FIGNL1: variants seen among roughly 807,000 people sequenced by gnomAD.
FIGNL1 encodes the protein fidgetin like 1, also known as fidgetin-like protein 1.
A neutral mutation model predicts 28.9 loss-of-function variants in FIGNL1; 11 were observed. That is an observed-to-expected ratio of 0.38 (90% confidence interval 0.24 to 0.63). The LOEUF (loss-of-function observed/expected upper bound fraction) is 0.63, where lower values mean the gene tolerates loss of function less well. Ranked by LOEUF, FIGNL1 falls within the 20% of genes least tolerant of loss-of-function variation. The pLI is 0.57. For missense variants in FIGNL1, 789 were observed against 810.4 expected (o/e 0.97, Z 0.32); for synonymous variants, 295 against 276.5 (o/e 1.07, Z -0.66).
At chr7:50,448,105 G>C (rs142621771) in intron 3 of FIGNL1, 76 bp downstream of exon 3, 1 of 152,352 alleles carries the variant, frequency 6.6e-6, no homozygotes, top group Non-Finnish European at 1.5e-5. Flanking sequence ...CAATGACTAT[G>C]AAAATAATCT....
At position 50,445,139 on chromosome 7, in the gene FIGNL1, CTAT is replaced by C. The variant is rs1820397865; in HGVS notation, c.*121_*123del. The C allele has an allele frequency of 1.7e-6, 1 of 587,556 alleles. No homozygotes were observed. 36.4% of individuals were successfully genotyped at this position (587,556 alleles called of 1,614,324 possible). A position where few individuals can be genotyped will look rare whatever the true frequency, so the allele number is the denominator to read the frequency against. On this transcript the variant is annotated 3_prime_UTR_variant, in exon 4 of 4. Transcript: ENST00000433017. ...ATGTCAATCAGATGTAAAATCTGTG[CTAT>C]TATTTGAAGTACAGAACTTAGAATA...
At position 50,450,287 on chromosome 7, in the gene FIGNL1, T is replaced by G. The variant is rs1821795759; in HGVS notation, c.-726+14A>C. ...AGCAGCGCCCCTGCCCCGCCTCCCG[T>G]CACCGCATCCTACCTGCGGCTGGTG... On this transcript the variant is annotated intron_variant, in intron 1 of 3. Coordinates refer to ENST00000433017, the MANE Select transcript of FIGNL1 (RefSeq NM_001287492.4). 1 of 152,392 alleles carries G rather than the reference T, an allele frequency of 6.6e-6. No homozygotes were observed. Among genetic ancestry groups the G allele is most frequent in the African/African-American group, 2.4e-5 (1 of 41,480 alleles). 9.4% of individuals were successfully genotyped at this position (152,392 alleles called of 1,614,324 possible).
Position 50,445,846 on chromosome 7 carries a change from A to T in FIGNL1, c.1442T>A (p.Met481Lys). ...TGCAACAGCAAACAATGCACGGACC[A>T]TTTTCTCCCCCTCACCTACCCATTT... ...TSKWVGEGEK[M>K]VRALFAVARC... Residue 481 changes from methionine to lysine, a missense_variant, in exon 4 of 4, where the codon ATG becomes AAG. Physicochemically the swap from Met to Lys is moderately conservative, Grantham distance 95 (BLOSUM62 -1). Transcript: ENST00000433017. 2.5e-6 allele frequency: 4 copies of T among 1,614,152 alleles called. No homozygotes were observed. Among genetic ancestry groups the T allele is most frequent in the Non-Finnish European group, 3.4e-6 (4 of 1,180,030 alleles).
In FIGNL1 at chr7:50,447,014, A is replaced by C. The variant is rs777013145; in HGVS notation, c.274T>G (p.Ser92Ala). The change falls in exon 4 of 4, where the codon TCT becomes GCT. Residue 92 changes from serine (S) to alanine (A), a missense_variant. Coordinates refer to ENST00000433017, the MANE Select transcript of FIGNL1 (RefSeq NM_001287492.4). ...CACTTGTCACTATCTGTTTGTTGAG[A>C]TCCTGCCAAAGTTAAAATGTTTTCT... ...YAENILTLAGSQQTDSDKWQS... is the reference protein window; with the variant it reads ...YAENILTLAGAQQTDSDKWQS... 6.2e-7 allele frequency: 1 copy of C among 1,614,246 alleles called. No individual in the cohort carries two copies. The highest frequency in any genetic ancestry group is 1.1e-5 in the South Asian group (1 of 91,088).
chr7:50,447,233 A>T lies in FIGNL1; in HGVS notation c.55T>A (p.Phe19Ile). 6.2e-7 allele frequency: 1 copy of T among 1,611,148 alleles called. No homozygotes were observed. The highest frequency in any genetic ancestry group is 8.5e-7 in the Non-Finnish European group (1 of 1,177,432). The change falls in exon 4 of 4, where the codon TTC (phenylalanine) becomes ATC (isoleucine). Residue 19 changes from phenylalanine to isoleucine, a missense_variant. Transcript: ENST00000433017. ...GTACATATGCCAGATGTAATTGCGAAGTAATTCTTCTGCCATTCACTCAGG... is the reference window on the plus strand; with the variant it reads ...GTACATATGCCAGATGTAATTGCGATGTAATTCTTCTGCCATTCACTCAGG... ...VHLSEWQKNY[F>I]AITSGICTGP...
rs143012740 is a variant in FIGNL1 at position 50,445,608 on chromosome 7, C to A, written c.1680G>T (p.Val560=). The A allele has an allele frequency of 3.1e-6, 5 of 1,614,144 alleles. No individual in the cohort carries two copies. The East Asian group carries it at 6.7e-5, about 22-fold the overall frequency. ...EIDEAARRRL[V]KRLYIPLPEA... ...CTGGGAGGGGAATATAAAGCCTTTTCACCAATCTTCTCCGGGCAGCCTCAT... is the reference window on the plus strand; with the variant it reads ...CTGGGAGGGGAATATAAAGCCTTTTAACCAATCTTCTCCGGGCAGCCTCAT... Residue 560 remains valine, a synonymous_variant, in exon 4 of 4, where the codon GTG becomes GTT. Transcript: ENST00000433017.
chr7:50,445,348 G>A lies in FIGNL1; in HGVS notation c.1940C>T (p.Ala647Val), dbSNP rs1820453680. Residue 647 changes from alanine to valine, a missense_variant, in exon 4 of 4, where the codon GCT (alanine) becomes GTT (valine). Transcript: ENST00000433017. ...RPIAYIDFEN[A>V]FRTVRPSVSP... is the part of the protein sequence containing the mutation. ...AACACTAGGTCGCACAGTTCTAAAA[G>A]CATTTTCAAAATCAATGTAAGCTAT... 1 of 1,614,046 alleles carries A rather than the reference G, an allele frequency of 6.2e-7. No homozygotes were observed.
chr7:50,446,717 G>T lies in FIGNL1; in HGVS notation c.571C>A (p.Pro191Thr). ...RLKLLQNAQPPMVTNTARTCP... is the reference protein window; with the variant it reads ...RLKLLQNAQPTMVTNTARTCP... Reference sequence around the variant, plus strand: ...GTCCTAGCAGTGTTAGTCACCATAGGTGGCTGGGCATTCTGAAGGAGTTTC... The same window carrying T: ...GTCCTAGCAGTGTTAGTCACCATAGTTGGCTGGGCATTCTGAAGGAGTTTC... The change falls in exon 4 of 4, where the codon CCT becomes ACT. Residue 191 changes from proline to threonine, a missense_variant. Coordinates refer to ENST00000433017, the MANE Select transcript of FIGNL1 (RefSeq NM_001287492.4). 1 of 1,614,224 alleles carries T rather than the reference G, an allele frequency of 6.2e-7. No individual in the cohort carries two copies. Among genetic ancestry groups the T allele is most frequent in the Non-Finnish European group, 8.5e-7 (1 of 1,180,038 alleles).
intron 2 of FIGNL1, chr7:50,448,621 G>T (rs1428580671): frequency 6.6e-6 from 1 of 152,064 alleles, no homozygotes; most frequent in Non-Finnish European, 1.5e-5. Context: ...AAAAATTTAT[G>T]AAAAATTTTT....
At position 50,446,890 on chromosome 7, in the gene FIGNL1, G is replaced by A; in HGVS notation, c.398C>T (p.Ala133Val). 1 of 1,614,194 alleles carries A rather than the reference G, an allele frequency of 6.2e-7. No homozygotes were observed. Among genetic ancestry groups the A allele is most frequent in the Non-Finnish European group, 8.5e-7 (1 of 1,180,028 alleles). ...CTTATGGATTACCACTGATGCAAGAGCAGGTTCCAACAGAGAGTCTTTGAA... is the reference window on the plus strand; with the variant it reads ...CTTATGGATTACCACTGATGCAAGAACAGGTTCCAACAGAGAGTCTTTGAA... ...KKFKDSLLEP[A>V]LASVVIHKEA... Residue 133 changes from alanine (A) to valine (V), a missense_variant, in exon 4 of 4, where the codon GCT becomes GTT. Ala to Val is a moderately conservative substitution (Grantham distance 64, BLOSUM62 0). Coordinates refer to ENST00000433017, the MANE Select transcript of FIGNL1 (RefSeq NM_001287492.4).
chr7:50,445,911 C>G lies in FIGNL1; in HGVS notation c.1377G>C (p.Gly459=). The part of the protein sequence containing the change: ...LIGKCIASQS[G]ATFFSISASS... ...AAGCAGAGATGCTAAAGAATGTTGCCCCAGACTGACTAGCAATGCACTTGC... is the reference window on the plus strand; with the variant it reads ...AAGCAGAGATGCTAAAGAATGTTGCGCCAGACTGACTAGCAATGCACTTGC... The change falls in exon 4 of 4, where the codon GGG becomes GGC. Residue 459 remains glycine, a synonymous_variant. Coordinates refer to ENST00000433017, the MANE Select transcript of FIGNL1 (RefSeq NM_001287492.4). 1.2e-6 allele frequency: 2 copies of G among 1,614,040 alleles called. No homozygotes were observed. Among genetic ancestry groups the G allele is most frequent in the Non-Finnish European group, 1.7e-6 (2 of 1,180,032 alleles).
Position 50,446,926 on chromosome 7 carries a change from G to C in FIGNL1, c.362C>G (p.Ala121Gly), listed in dbSNP as rs1191987660. ...KMSSVQKMMQ[A>G]GKKFKDSLLE... The stretch of plus-strand genomic sequence containing the variant: ...CAGAGAGTCTTTGAATTTTTTGCCA[G>C]CTTGCATCATCTTCTGTACACTACT... The change falls in exon 4 of 4, where the codon GCT becomes GGT. Residue 121 changes from alanine to glycine, a missense_variant. Coordinates refer to ENST00000433017, the MANE Select transcript of FIGNL1 (RefSeq NM_001287492.4). The C allele has an allele frequency of 6.2e-7, 1 of 1,614,158 alleles. No individual in the cohort carries two copies. Among genetic ancestry groups the C allele is most frequent in the South Asian group, 1.1e-5 (1 of 91,080 alleles).
In FIGNL1 at chr7:50,446,098, G is replaced by A. The variant is rs374110824; in HGVS notation, c.1190C>T (p.Pro397Leu). ...TCCTGCAATATCTTCCCAATTTACT[G>A]GAGGTCCATGATCCATAATCTCATT... ...IMNEIMDHGP[P>L]VNWEDIAGVE... is the part of the protein sequence containing the mutation. Residue 397 changes from proline to leucine, a missense_variant, in exon 4 of 4, where the codon CCA (proline) becomes CTA (leucine). Transcript: ENST00000433017. 3 of 1,614,064 alleles carry A rather than the reference G, an allele frequency of 1.9e-6. No individual in the cohort carries two copies. The African/African-American group carries it at 4.0e-5, about 22-fold the overall frequency.
rs1193262548 is a variant in FIGNL1, at chr7:50,446,111, C to T, written c.1177G>A (p.Asp393Asn). ...MIELIMNEIM[D>N]HGPPVNWEDI... The stretch of plus-strand genomic sequence containing the variant: ...TCCCAATTTACTGGAGGTCCATGAT[C>T]CATAATCTCATTCATAATAAGTTCA... The change falls in exon 4 of 4, where the codon GAT becomes AAT. Residue 393 changes from aspartate (D) to asparagine (N), a missense_variant. Transcript: ENST00000433017. 1.9e-6 allele frequency: 3 copies of T among 1,614,062 alleles called. No homozygotes were observed. Among genetic ancestry groups the T allele is most frequent in the Non-Finnish European group, 2.5e-6 (3 of 1,180,046 alleles).
Position 50,445,653 on chromosome 7 carries a change from T to C in FIGNL1, c.1635A>G (p.Thr545=). 1 of 1,614,156 alleles carries C rather than the reference T, an allele frequency of 6.2e-7. No individual in the cohort carries two copies. The change falls in exon 4 of 4, where the codon ACA becomes ACG. Residue 545 remains threonine, a synonymous_variant. Transcript: ENST00000433017. ...CCTCATCAATTTCTTGTGGCCGATT[T>C]GTTGCTCCCACCACTAGGATACGAT... ...SEDRILVVGA[T]NRPQEIDEAA... is the part of the protein sequence containing the mutation.
rs3178610 is a variant in FIGNL1 at position 50,444,142 on chromosome 7, T to C, written c.*1121A>G. 8 of 152,252 alleles carry C rather than the reference T, an allele frequency of 5.3e-5. No homozygotes were observed. The highest frequency in any genetic ancestry group is 7.3e-5 in the Non-Finnish European group (5 of 68,044). The allele number at this position is 152,252 out of a possible 1,614,324, so 9.4% of individuals were successfully genotyped here. A position where few individuals can be genotyped will look rare whatever the true frequency, so the allele number is the denominator to read the frequency against. ...AATGCAAGCCAAAAGCTTTAAAAAG[T>C]GCATATTCTTTAATCCAGGAATTAC... is the stretch of plus-strand genomic sequence containing the variant. On this transcript the variant is annotated 3_prime_UTR_variant, in exon 4 of 4. Coordinates refer to ENST00000433017, the MANE Select transcript of FIGNL1 (RefSeq NM_001287492.4).
At position 50,446,971 on chromosome 7, in the gene FIGNL1, A is replaced by AT. The variant is rs1213927863; in HGVS notation, c.316dup (p.Ile106AsnfsTer3). ...ACTACTCATTTTGAAAACATTATTT[A>AT]TTGACAATCCAGACTGCCACTTGTC... On this transcript the variant is annotated frameshift_variant, in exon 4 of 4. Coordinates refer to ENST00000433017, the MANE Select transcript of FIGNL1 (RefSeq NM_001287492.4). LOFTEE classifies it low-confidence loss of function (END_TRUNC). The AT allele has an allele frequency of 6.2e-7, 1 of 1,614,212 alleles. No homozygotes were observed.
intron 3 of FIGNL1, among the ~76,000 whole-genome samples, chr7:50,447,519 AAAT>A (rs1821209077): frequency 6.6e-6 from 1 of 152,210 alleles, no homozygotes; most frequent in African/African-American, 2.4e-5. Context: ...GGACTTGATT[AAAT>A]AATAATTTAT....
intron 2 of FIGNL1, chr7:50,448,749 T>G (rs2153530150): frequency 6.6e-6 from 1 of 152,324 alleles, no homozygotes; most frequent in South Asian, 2.1e-4. Flanking sequence ...AATGCAGCTT[T>G]TATCTCCCAT....
Sources: allele counts gnomAD v4.1 joint callset (sites outside exome capture counted in the v4.1 genomes callset), GRCh38; gene constraint gnomAD v4.1.1; transcripts MANE v1.5; gene names NCBI Gene and HGNC (gene_info 2026-07-23, HGNC 2026-07-21).